Variants in FERMT2 observed in about 807,000 individuals in gnomAD.
FERMT2 encodes fermitin family homolog 2.
A neutral mutation model predicts 82.7 loss-of-function variants in FERMT2; 15 were observed. The observed-to-expected ratio is 0.18, with a 90% CI of 0.12 to 0.28. The LOEUF is 0.28. FERMT2 is among the 10% of genes least tolerant of loss of function. The pLI is 1.00. For missense variants in FERMT2, 645 were observed against 809.4 expected, an observed-to-expected ratio of 0.80 and a Z score of 2.46; for synonymous variants, 274 against 271.5, an observed-to-expected ratio of 1.01 and a Z score of -0.09.
At chr14:52,950,652 G>C (rs1890589224) in intron 1 of FERMT2, 75 bp from the exon 2 acceptor site, 13 of 1,471,366 alleles carry the variant, frequency 8.8e-6, no homozygotes, top group African/African-American at 1.4e-5. Flanking sequence ...AATTCGCAGC[G>C]CCGGCCACGG....
intron 7 of FERMT2, among the ~76,000 whole-genome samples, chr14:52,875,906 C>A (rs1284474130): frequency 6.6e-6 from 1 of 152,132 alleles, no homozygotes; most frequent in East Asian, 1.9e-4. Flanking sequence ...CGTGAGTACG[C>A]ACATGGACAC....
intron 2 of FERMT2, among the ~76,000 whole-genome samples, chr14:52,936,871 T>C (rs1889859737): frequency 6.6e-6 from 1 of 152,158 alleles, no homozygotes; most frequent in Admixed American, 6.5e-5. Context: ...GGATTGTCTT[T>C]AGGTCGGGAG....
intron 4 of FERMT2, among the ~76,000 whole-genome samples, chr14:52,889,155 CAATT>C (rs1886784760): frequency 6.6e-6 from 1 of 152,050 alleles, no homozygotes; most frequent in Non-Finnish European, 1.5e-5. Flanking sequence ...CAGAATTGCT[CAATT>C]AATTAATATA....
chr14:52,877,972 G>A (rs1886072021), intron 7 of FERMT2, among the ~76,000 whole-genome samples: 1 of 152,184 alleles, frequency 6.6e-6, no homozygotes, highest in Non-Finnish European at 1.5e-5. Flanking sequence ...AGTTATTCAT[G>A]AAGTGGATAA....
At chr14:52,895,416 A>T (rs551951519) in intron 3 of FERMT2, among the ~76,000 whole-genome samples, 12 of 152,348 alleles carry the variant, frequency 7.9e-5, no homozygotes, top group African/African-American at 2.9e-4. Flanking sequence ...GCCAAAACTG[A>T]AAATAACCCA....
In FERMT2 at chr14:52,919,219, G is replaced by A. The variant is rs556578889; in HGVS notation, c.295C>T (p.Leu99Phe). ...KLQFTPQHKL[L>F]RLQLPNMKYV... is the part of the protein sequence containing the mutation. Reference sequence around the variant, plus strand: ...TTCATGTTGGGAAGCTGCAGGCGGAGCAGTTTGTGCTGAGGGGTGAACTGA... The same window carrying A: ...TTCATGTTGGGAAGCTGCAGGCGGAACAGTTTGTGCTGAGGGGTGAACTGA... The change falls in exon 3 of 15, where the codon CTC (leucine) becomes TTC (phenylalanine). Residue 99 changes from leucine (L) to phenylalanine (F), a missense_variant. Transcript: ENST00000341590. 1.2e-6 allele frequency: 2 copies of A among 1,613,968 alleles called. No homozygotes were observed. The highest frequency in any genetic ancestry group is 1.3e-5 in the African/African-American group (1 of 74,922).
At chr14:52,878,717 AAT>A in intron 6 of FERMT2, 28 bp from the exon 7 acceptor site, 1 of 1,230,128 alleles carries the variant, frequency 8.1e-7, no homozygotes, top group South Asian at 1.4e-5. Context: ...GTTCTTTTGT[AAT>A]ATATAACCTT....
At chr14:52,913,049 T>C (rs528341335) in intron 3 of FERMT2, among the ~76,000 whole-genome samples, 112 of 152,208 alleles carry the variant, frequency 7.4e-4, no homozygotes, top group Non-Finnish European at 1.5e-3. Context: ...CTTTCTTTTC[T>C]TGTTTATACA....
intron 7 of FERMT2, 136 bp downstream of exon 7, chr14:52,878,446 A>G: frequency 3.2e-6 from 2 of 617,296 alleles, no homozygotes; most frequent in South Asian, 4.3e-5. Flanking sequence ...TGCTTTCCTA[A>G]GTGTCTACTC....
intron 2 of FERMT2, among the ~76,000 whole-genome samples, chr14:52,943,325 C>T (rs191031358): frequency 6.6e-5 from 10 of 152,114 alleles, no homozygotes; most frequent in Admixed American, 6.5e-4. Context: ...ACAGGGTGGC[C>T]ATAAAGTTTA....
At chr14:52,942,580 G>A (rs113408748) in intron 2 of FERMT2, among the ~76,000 whole-genome samples, 1 of 151,938 alleles carries the variant, frequency 6.6e-6, no homozygotes, top group African/African-American at 2.4e-5. Context: ...AGGATTACAG[G>A]CGTGAGCCAC....
chr14:52,913,680 CAGT>C (rs60319673), intron 3 of FERMT2, among the ~76,000 whole-genome samples: 79 of 147,658 alleles, frequency 5.4e-4, no homozygotes, highest in East Asian at 3.6e-3. Context: ...CAGCCAAAAA[CAGT>C]AGTAGTAGTA....
chr14:52,950,377 A>G, intron 2 of FERMT2, 35 bp downstream of exon 2: 1 of 1,598,010 alleles, frequency 6.3e-7, no homozygotes, highest in Non-Finnish European at 8.6e-7. Context: ...AATTCTGGGA[A>G]GTCATTAGTT....
chr14:52,877,841 G>A (rs941097876), intron 7 of FERMT2, among the ~76,000 whole-genome samples: 1 of 151,974 alleles, frequency 6.6e-6, no homozygotes, highest in African/African-American at 2.4e-5. Context: ...CTAGAATCCC[G>A]TCATAACTGG....
chr14:52,950,875 T>G, intron 1 of FERMT2, 46 bp downstream of exon 1: 2 of 214,992 alleles, frequency 9.3e-6, no homozygotes, highest in Non-Finnish European at 1.8e-5. Flanking sequence ...CCCGTTCCCC[T>G]CCCCGCCGCG....
intron 2 of FERMT2, among the ~76,000 whole-genome samples, chr14:52,923,771 T>C (rs751163660): frequency 7.9e-5 from 12 of 151,972 alleles, no homozygotes; most frequent in Non-Finnish European, 1.5e-4. Context: ...CCAGAGAAAC[T>C]AGTGGATGAG....
intron 2 of FERMT2, among the ~76,000 whole-genome samples, chr14:52,937,179 A>G (rs1169513851): frequency 6.6e-6 from 1 of 151,920 alleles, no homozygotes; most frequent in Non-Finnish European, 1.5e-5. Context: ...TAATAATAAT[A>G]ATGATAATAA....
At chr14:52,900,281 T>C (rs916525932) in intron 3 of FERMT2, among the ~76,000 whole-genome samples, 6 of 152,062 alleles carry the variant, frequency 3.9e-5, no homozygotes, top group Non-Finnish European at 8.8e-5. Context: ...CACCCAGTGA[T>C]AGCAACGAAA....
chr14:52,867,737 A>G (rs1294197818), intron 10 of FERMT2, among the ~76,000 whole-genome samples: 2 of 152,026 alleles, frequency 1.3e-5, no homozygotes, highest in African/African-American at 4.8e-5. Context: ...AATTAAACTC[A>G]TCTTTCCCCC....
Sources: gnomAD v4.1 joint callset for allele counts (sites outside exome capture counted in the v4.1 genomes callset) on GRCh38, gnomAD v4.1.1 for gene constraint, MANE v1.5 for transcripts, NCBI Gene and HGNC (gene_info 2026-07-23, HGNC 2026-07-21) for gene names.